TMEFF1: variants seen among roughly 807,000 people sequenced by gnomAD.
TMEFF1 encodes the protein transmembrane protein with EGF like and two follistatin like domains 1.
Under a neutral mutation model 47.5 loss-of-function variants are expected in TMEFF1, and 20 were observed. The ratio of observed to expected loss-of-function variants is 0.42; its 90% confidence interval spans 0.30 to 0.61. The LOEUF is 0.61. Ranked by LOEUF, TMEFF1 falls within the 20% of genes least tolerant of loss-of-function variation. The pLI is 0.19. For synonymous variants in TMEFF1, 162 were observed against 166.3 expected (o/e 0.97, Z 0.20); for missense variants, 411 against 471.1 (o/e 0.87, Z 1.18).
At chr9:100,498,102 T>C (rs1837691405) in intron 1 of TMEFF1, among the ~76,000 whole-genome samples, 1 of 152,134 alleles carries the variant, frequency 6.6e-6, no homozygotes, top group African/African-American at 2.4e-5. Context: ...GCAGGAGCAA[T>C]ATGACCACAG....
intron 8 of TMEFF1, among the ~76,000 whole-genome samples, chr9:100,566,040 T>G (rs1839120304): frequency 6.6e-6 from 1 of 152,220 alleles, no homozygotes; most frequent in South Asian, 2.1e-4. Context: ...GAATGATCAG[T>G]GCATTTGACA....
chr9:100,491,409 A>G (rs1837549732), intron 1 of TMEFF1, among the ~76,000 whole-genome samples: 1 of 152,220 alleles, frequency 6.6e-6, no homozygotes, highest in African/African-American at 2.4e-5. Flanking sequence ...GACAAGGTGA[A>G]AAGTTTGAAC....
chr9:100,533,591 C>A (rs965649239), intron 5 of TMEFF1, among the ~76,000 whole-genome samples: 2 of 151,924 alleles, frequency 1.3e-5, no homozygotes, highest in African/African-American at 4.8e-5. Context: ...GTTTTACTAA[C>A]CTCTGTTGTA....
At chr9:100,499,622 G>A (rs1362189062) in intron 2 of TMEFF1, among the ~76,000 whole-genome samples, 1 of 152,120 alleles carries the variant, frequency 6.6e-6, no homozygotes, top group East Asian at 1.9e-4. Context: ...ACAGAAATCA[G>A]AAACGAAAGC....
rs112896200 is a variant in TMEFF1 at position 100,564,668 on chromosome 9, G to A, written c.899+3148G>A. Among the ~76,000 whole-genome samples, 901 of 152,300 alleles carry A rather than the reference G, an allele frequency of 5.9e-3. 5 individuals are homozygous for A. The highest frequency in any genetic ancestry group is 9.8e-3 in the Non-Finnish European group (670 of 68,022). ...TACAGGAACATTTGGGCCATCCCAGGAGCTTGGCTTTTATTTTAAAGGCAG... is the reference window on the plus strand; with the variant it reads ...TACAGGAACATTTGGGCCATCCCAGAAGCTTGGCTTTTATTTTAAAGGCAG... On this transcript the variant is annotated intron_variant, in intron 8 of 9. Transcript: ENST00000374879.
chr9:100,510,803 G>A (rs887903349), intron 3 of TMEFF1, among the ~76,000 whole-genome samples: 5 of 152,076 alleles, frequency 3.3e-5, no homozygotes, highest in African/African-American at 1.2e-4. Context: ...GGCTCATTAT[G>A]TAAGTATAAT....
At chr9:100,484,937 A>G (rs1310036268) in intron 1 of TMEFF1, among the ~76,000 whole-genome samples, 1 of 152,094 alleles carries the variant, frequency 6.6e-6, no homozygotes, top group Non-Finnish European at 1.5e-5. Flanking sequence ...TCGGCCTCCT[A>G]AAATGTTGGG....
intron 8 of TMEFF1, among the ~76,000 whole-genome samples, chr9:100,569,962 G>A (rs1185887441): frequency 6.6e-6 from 1 of 152,094 alleles, no homozygotes; most frequent in South Asian, 2.1e-4. Flanking sequence ...ACCAGTCCCT[G>A]GTAACCACTA....
intron 1 of TMEFF1, among the ~76,000 whole-genome samples, chr9:100,486,353 C>T (rs1477536746): frequency 2.6e-5 from 4 of 152,186 alleles, no homozygotes; most frequent in Non-Finnish European, 5.9e-5. Flanking sequence ...AGTAATTCTC[C>T]TGCTTCAGCC....
intron 5 of TMEFF1, among the ~76,000 whole-genome samples, chr9:100,526,626 T>C (rs1838256461): frequency 6.6e-6 from 1 of 152,152 alleles, no homozygotes; most frequent in Admixed American, 6.5e-5. Flanking sequence ...ACGTTATTAG[T>C]TGGTATTCTA....
intron 1 of TMEFF1, among the ~76,000 whole-genome samples, chr9:100,483,043 A>C (rs1241521980): frequency 6.6e-6 from 1 of 151,790 alleles, no homozygotes; most frequent in African/African-American, 2.4e-5. Flanking sequence ...CTTTAGGTGG[A>C]TATAGATCAT....
intron 5 of TMEFF1, among the ~76,000 whole-genome samples, chr9:100,540,081 G>A (rs909806255): frequency 2.6e-5 from 4 of 152,120 alleles, no homozygotes; most frequent in Admixed American, 1.3e-4. Context: ...CAAACCTTTA[G>A]CTAGACAGAA....
Position 100,474,122 on chromosome 9 carries a change from C to A in TMEFF1, c.196+382C>A, listed in dbSNP as rs538798781. Among the ~76,000 whole-genome samples the A allele has an allele frequency of 7.3e-4, 96 of 132,356 alleles. 1 individual carries two copies. The South Asian group carries it at 0.021, about 29-fold the overall frequency. 86.8% of individuals were successfully genotyped at this position (132,356 alleles called of 152,430 possible). On this transcript the variant is annotated intron_variant, in intron 1 of 9. Transcript: ENST00000374879. ...TGAGGGGAGGGAGGGCGGCCCCAGG[C>A]AGGGATCTGTGTGTGTGTGTGCAGA...
intron 7 of TMEFF1, among the ~76,000 whole-genome samples, chr9:100,554,326 T>C (rs1437908925): frequency 6.6e-5 from 10 of 152,090 alleles, no homozygotes; most frequent in Admixed American, 2.6e-4. Flanking sequence ...AATCAGAGAA[T>C]GTCATGGAGC....
chr9:100,576,820 C>T lies in TMEFF1; in HGVS notation c.*220C>T, dbSNP rs1291041020. On this transcript the variant is annotated 3_prime_UTR_variant, in exon 10 of 10. Transcript: ENST00000374879. ...AAATTGCTTTCACAAATTTGTACCA[C>T]ATGGTAATTCTAAGACTTGTTCTTT... The T allele has an allele frequency of 6.8e-6, 3 of 438,328 alleles. No individual in the cohort carries two copies. The highest frequency in any genetic ancestry group is 7.8e-6 in the Non-Finnish European group (2 of 255,790). The allele number at this position is 438,328 out of a possible 1,614,324, so 27.2% of individuals were successfully genotyped here.
intron 5 of TMEFF1, among the ~76,000 whole-genome samples, chr9:100,518,225 G>A (rs1838106166): frequency 6.6e-6 from 1 of 152,130 alleles, no homozygotes; most frequent in African/African-American, 2.4e-5. Flanking sequence ...CCAGTGCTTT[G>A]GGAGGCTTAG....
At chr9:100,489,683 A>C (rs547667551) in intron 1 of TMEFF1, among the ~76,000 whole-genome samples, 1 of 152,308 alleles carries the variant, frequency 6.6e-6, no homozygotes, top group South Asian at 2.1e-4. Flanking sequence ...TAGGCATTAA[A>C]AAAAGTTTGT....
rs1336737932 is a variant in TMEFF1 at position 100,515,703 on chromosome 9, T to C, written c.464-972T>C. Among the ~76,000 whole-genome samples, 9 of 152,134 alleles carry C rather than the reference T, an allele frequency of 5.9e-5. No individual in the cohort carries two copies. The East Asian group carries it at 1.7e-3, about 29-fold the overall frequency. On this transcript the variant is annotated intron_variant, in intron 4 of 9. Coordinates refer to ENST00000374879, the MANE Select transcript of TMEFF1 (RefSeq NM_003692.5). ...CAGGAGGCTGAGGCAGGAGAATCAC[T>C]TGAACCCAGGAGGCAGAGGTTCAAG...
At chr9:100,507,950 CAT>C (rs1837891253) in intron 2 of TMEFF1, among the ~76,000 whole-genome samples, 2 of 152,036 alleles carry the variant, frequency 1.3e-5, no homozygotes, top group Non-Finnish European at 2.9e-5. Flanking sequence ...ATTCTTGAAA[CAT>C]ATTCTTTAAT....
Sources: gnomAD v4.1 joint callset for allele counts (sites outside exome capture counted in the v4.1 genomes callset) on GRCh38, gnomAD v4.1.1 for gene constraint, MANE v1.5 for transcripts, NCBI Gene and HGNC (gene_info 2026-07-23, HGNC 2026-07-21) for gene names.